The following AHNAK variants were observed in gnomAD, a reference collection of about 807,000 sequenced individuals.
The protein encoded by AHNAK is AHNAK nucleoprotein.
A neutral mutation model predicts 37.8 loss-of-function variants in AHNAK; 23 were observed. The ratio of observed to expected loss-of-function variants is 0.61; its 90% CI spans 0.44 to 0.86. AHNAK has a LOEUF of 0.86. Ranked by LOEUF, AHNAK falls within the 40% of genes least tolerant of loss-of-function variation. The probability of loss-of-function intolerance (pLI) is 0.00; values close to 1 mark genes in which losing one functional copy is unlikely to be tolerated. For synonymous variants in AHNAK, 2,481 were observed against 2,636.3 expected (o/e 0.94, Z 1.80); for missense variants, 7,411 against 7,319.4 (o/e 1.01, Z -0.46).
chr11:62,526,566 C>T lies in AHNAK; in HGVS notation c.7851G>A (p.Gly2617=), dbSNP rs571250177. The change falls in exon 5 of 5, where the codon GGG becomes GGA. Residue 2617 remains glycine (G), a synonymous_variant. Coordinates refer to ENST00000378024, the MANE Select transcript of AHNAK (RefSeq NM_001620.3). ...CTGGGGCATTAATATCCACTTTGGG[C>T]CCCTTGATGTCAACTTCGGGGCCCT... The part of the protein sequence containing the change: ...DLKGPEVDIK[G]PKVDINAPDV... 6.2e-7 allele frequency: 1 copy of T among 1,607,456 alleles called. No individual in the cohort carries two copies. Among genetic ancestry groups the T allele is most frequent in the East Asian group, 2.3e-5 (1 of 44,316 alleles).
chr11:62,502,617 G>T (rs186562398), intron 4 of AHNAK, among the ~76,000 whole-genome samples: 2 of 152,154 alleles, frequency 1.3e-5, no homozygotes, highest in African/African-American at 2.4e-5. Flanking sequence ...GCAAGAGGCA[G>T]ACAGACAAGC....
chr11:62,470,133 T>C (rs530594202), intron 5 of AHNAK, among the ~76,000 whole-genome samples: 2 of 150,910 alleles, frequency 1.3e-5, no homozygotes, highest in East Asian at 3.9e-4. Flanking sequence ...TGAAACCCCA[T>C]CTCTACTAAA....
chr11:62,480,827 A>G (rs7925228), intron 5 of AHNAK, among the ~76,000 whole-genome samples: 2,513 of 120,818 alleles, frequency 0.021, 301 homozygotes, highest in Middle Eastern at 0.055. Flanking sequence ...AAAAAAAAAA[A>G]CCTGGATTTG....
At chr11:62,439,964 G>A (rs558937224) in intron 5 of AHNAK, among the ~76,000 whole-genome samples, 3 of 152,222 alleles carry the variant, frequency 2.0e-5, no homozygotes, top group East Asian at 1.9e-4. Flanking sequence ...CACTGTGCCC[G>A]GCCGCATTTG....
At chr11:62,433,630 C>G in exon 6 of AHNAK, 1 of 570,402 alleles carries the variant, frequency 1.8e-6, no homozygotes, top group Non-Finnish European at 3.1e-6. Flanking sequence ...AGTCCCAAAC[C>G]TAAGCCCACA....
intron 5 of AHNAK, among the ~76,000 whole-genome samples, chr11:62,451,933 G>A (rs933103592): frequency 2.7e-5 from 4 of 149,318 alleles, no homozygotes; most frequent in Admixed American, 6.7e-5. Flanking sequence ...TCAGCCTCCC[G>A]AGTATCTGGG....
At chr11:62,512,793 T>G (rs1428875129), downstream of AHNAK, among the ~76,000 whole-genome samples, 1 of 148,188 alleles carries the variant, frequency 6.7e-6, no homozygotes, top group Non-Finnish European at 1.5e-5. This position sits in a 1 kb window ranked among gnomAD's most constrained non-coding sequence, Gnocchi z 4.0. Context: ...GAGGTGGAGG[T>G]TGCAATGAGC....
chr11:62,434,932 C>A (rs74507628), intron 5 of AHNAK, among the ~76,000 whole-genome samples: 541 of 83,856 alleles, frequency 6.5e-3, no homozygotes, highest in East Asian at 0.018. Context: ...GACCCTGTCT[C>A]AAAAAAAAAA....
chr11:62,532,477 T>C lies in AHNAK; in HGVS notation c.1940A>G (p.Asp647Gly), dbSNP rs765988415. Residue 647 changes from aspartate (D) to glycine (G), a missense_variant, in exon 5 of 5, where the codon GAT becomes GGT. Asp to Gly is a moderately conservative substitution (Grantham distance 94). Coordinates refer to ENST00000378024, the MANE Select transcript of AHNAK (RefSeq NM_001620.3). ...STPGAKGEGP[D>G]VHMTLPKGDI... ...TCCTTTGGGTAGAGTCATATGAACA[T>C]CTGGACCTTCCCCTTTGGCTCCTGG... The C allele has an allele frequency of 6.2e-7, 1 of 1,614,066 alleles. No homozygotes were observed. Among genetic ancestry groups the C allele is most frequent in the African/African-American group, 1.3e-5 (1 of 74,978 alleles).
At chr11:62,536,193 G>A (rs1834102887) in intron 2 of AHNAK, 95 bp from the exon 3 acceptor site, 1 of 1,377,954 alleles carries the variant, frequency 7.3e-7, no homozygotes, top group Admixed American at 2.7e-5. Context: ...GTGAACTCCA[G>A]GGAGTGGGGC....
rs374444637 is a variant in AHNAK, at chr11:62,530,454, G to A, written c.3963C>T (p.Pro1321=). The A allele has an allele frequency of 2.5e-6, 4 of 1,613,820 alleles. No homozygotes were observed. In the African/African-American group the frequency reaches 5.3e-5, roughly 22 times the overall value. ...GGTCCACATCAGGCATGGAGATCTT[G>A]GGGGCCTTGAAGTGCATCTCAGGCA... ...FKMPEMHFKA[P]KISMPDVDLN... The change falls in exon 5 of 5, where the codon CCC becomes CCT. Residue 1321 remains proline (P), a synonymous_variant. Coordinates refer to ENST00000378024, the MANE Select transcript of AHNAK (RefSeq NM_001620.3).
At chr11:62,466,357 T>G (rs1938912322) in intron 5 of AHNAK, among the ~76,000 whole-genome samples, 3 of 152,080 alleles carry the variant, frequency 2.0e-5, no homozygotes. Context: ...ATCTCTAGCT[T>G]GTACTGCTCC....
chr11:62,523,843 C>G lies in AHNAK; in HGVS notation c.10574G>C (p.Gly3525Ala), dbSNP rs780074271. The change falls in exon 5 of 5, where the codon GGC becomes GCC. Residue 3525 changes from glycine (G) to alanine (A), a missense_variant. Transcript: ENST00000378024. ...PDLNVEGPEG[G>A]LKGPKFKMPD... The stretch of plus-strand genomic sequence containing the variant: ...CATCTTGAATTTGGGACCTTTCAAG[C>G]CTCCCTCCGGACCTTCCACATTGAG... 1 of 1,614,060 alleles carries G rather than the reference C, an allele frequency of 6.2e-7. No homozygotes were observed.
chr11:62,466,491 T>TTTTTTTTTTTA (rs1938915510), intron 5 of AHNAK, among the ~76,000 whole-genome samples: 1 of 106,574 alleles, frequency 9.4e-6, no homozygotes, highest in African/African-American at 3.6e-5. Context: ...TTTTTTTTTT[T>TTTTTTTTTTTA]ACCAGACTCT....
chr11:62,531,623 G>T lies in AHNAK; in HGVS notation c.2794C>A (p.Pro932Thr), dbSNP rs199521845. Residue 932 changes from proline (P) to threonine (T), a missense_variant, in exon 5 of 5, where the codon CCC becomes ACC. Transcript: ENST00000378024. ...IEGPEGKLKG[P>T]KFKMPEMNIK... ...TTCATCTCTGGCATCTTGAACTTGG[G>T]GCCCTTCAGCTTTCCTTCAGGTCCT... 67 of 1,613,082 alleles carry T rather than the reference G, an allele frequency of 4.2e-5. No individual in the cohort carries two copies. The highest frequency in any genetic ancestry group is 5.7e-5 in the Non-Finnish European group (67 of 1,179,804).
chr11:62,496,097 G>A (rs539179143), intron 4 of AHNAK, among the ~76,000 whole-genome samples: 1 of 151,184 alleles, frequency 6.6e-6, no homozygotes, highest in Non-Finnish European at 1.5e-5. Flanking sequence ...ATTACTAAAA[G>A]CAAGCAAAAC....
chr11:62,467,853 A>G (rs1336868365), intron 5 of AHNAK, among the ~76,000 whole-genome samples: 1 of 152,186 alleles, frequency 6.6e-6, no homozygotes, highest in Non-Finnish European at 1.5e-5. Context: ...CAGTGGCCCA[A>G]AATGTCATTT....
intron 5 of AHNAK, among the ~76,000 whole-genome samples, chr11:62,448,318 A>G (rs1305689854): frequency 1.3e-5 from 2 of 152,176 alleles, no homozygotes; most frequent in African/African-American, 4.8e-5. Flanking sequence ...TTACTAAAAG[A>G]TCCCTGTGGC....
Position 62,532,773 on chromosome 11 carries a change from T to C in AHNAK, c.1644A>G (p.Leu548=), listed in dbSNP as rs199770157. The change falls in exon 5 of 5, where the codon CTA becomes CTG. Residue 548 remains leucine, a synonymous_variant. Transcript: ENST00000378024. ...GSRVDIETPN[L]EGTLTGPRLG... Reference sequence around the variant, plus strand: ...GCCTAGGGCCTGTCAAGGTTCCCTCTAGGTTTGGTGTCTCTATGTCCACTC... The same window carrying C: ...GCCTAGGGCCTGTCAAGGTTCCCTCCAGGTTTGGTGTCTCTATGTCCACTC... 1.2e-6 allele frequency: 2 copies of C among 1,614,186 alleles called. No individual in the cohort carries two copies. The highest frequency in any genetic ancestry group is 4.5e-5 in the East Asian group (2 of 44,882).
Sources: gnomAD v4.1 joint callset for allele counts (sites outside exome capture counted in the v4.1 genomes callset) on GRCh38, gnomAD v4.1.1 for gene constraint, Gnocchi (gnomAD v3.1) non-coding constraint, MANE v1.5 for transcripts, NCBI Gene and HGNC (gene_info 2026-07-23, HGNC 2026-07-21) for gene names.